The following ATRNL1 variants were observed in gnomAD, a reference collection of about 807,000 sequenced individuals.
ATRNL1 encodes the protein attractin like 1.
In ATRNL1, 95 loss-of-function variants were observed where a neutral mutation model predicts 182.7. The observed-to-expected ratio is 0.52, with a 90% CI of 0.44 to 0.62. ATRNL1 has a LOEUF of 0.62. Ranked by LOEUF, ATRNL1 falls within the 20% of genes least tolerant of loss-of-function variation. ATRNL1 has a pLI of 0.00. For synonymous variants in ATRNL1, 576 were observed against 568.3 expected (o/e 1.01, Z -0.19); for missense variants, 1,471 against 1,679.5 (o/e 0.88, Z 2.17).
At chr10:115,187,670 GTTT>G (rs557762991) in intron 8 of ATRNL1, among the ~76,000 whole-genome samples, 2 of 111,862 alleles carry the variant, frequency 1.8e-5, no homozygotes, top group Non-Finnish European at 3.5e-5. Flanking sequence ...AGGGTGCTTG[GTTT>G]TTTTTTTTTT....
chr10:115,329,402 T>C (rs1290206482), intron 18 of ATRNL1, among the ~76,000 whole-genome samples: 1 of 152,134 alleles, frequency 6.6e-6, no homozygotes, highest in Non-Finnish European at 1.5e-5. Flanking sequence ...GTCATTTTTG[T>C]CATAAATTCA....
Position 115,529,367 on chromosome 10 carries a change from A to C in ATRNL1, c.3716+10043A>C, listed in dbSNP as rs192686219. 2.2e-3 allele frequency among the ~76,000 whole-genome samples: 330 copies of C among 151,406 alleles called. 2 individuals are homozygous for C. The highest frequency in any genetic ancestry group is 3.3e-3 in the Non-Finnish European group (220 of 67,654). ...TTTTTTCTCTTGTTATATTTTGTGTATGTTTCTTTTATACCAAAAATATCT... is the reference window on the plus strand; with the variant it reads ...TTTTTTCTCTTGTTATATTTTGTGTCTGTTTCTTTTATACCAAAAATATCT... On this transcript the variant is annotated intron_variant, in intron 25 of 28. Transcript: ENST00000355044.
intron 25 of ATRNL1, among the ~76,000 whole-genome samples, chr10:115,524,762 C>T (rs1330939206): frequency 6.6e-6 from 1 of 152,148 alleles, no homozygotes; most frequent in Non-Finnish European, 1.5e-5. Context: ...GATCCATTGA[C>T]ATAGTGGGCA....
intron 21 of ATRNL1, among the ~76,000 whole-genome samples, chr10:115,445,509 G>A (rs1476072076): frequency 0.047 from 2,097 of 44,514 alleles, 67 homozygotes; most frequent in African/African-American, 0.16. Flanking sequence ...ATTTGTCCGT[G>A]TGTGTGTGTG....
intron 27 of ATRNL1, among the ~76,000 whole-genome samples, chr10:115,770,252 A>C (rs1948956070): frequency 6.6e-6 from 1 of 152,120 alleles, no homozygotes; most frequent in Admixed American, 6.5e-5. Flanking sequence ...TTTAAGCCTA[A>C]ATCCTATAAG....
chr10:115,854,362 A>G (rs1397260446), intron 28 of ATRNL1, among the ~76,000 whole-genome samples: 1 of 151,916 alleles, frequency 6.6e-6, no homozygotes, highest in Non-Finnish European at 1.5e-5. Flanking sequence ...TTGTGCCTTG[A>G]CCCATCACAG....
intron 28 of ATRNL1, among the ~76,000 whole-genome samples, chr10:115,918,225 C>G (rs1469001207): frequency 6.6e-6 from 1 of 151,976 alleles, no homozygotes; most frequent in East Asian, 1.9e-4. Context: ...CTCAGCCCCC[C>G]GAGTAACTGG....
chr10:115,325,159 T>G (rs1175115309), intron 18 of ATRNL1, among the ~76,000 whole-genome samples: 2 of 152,176 alleles, frequency 1.3e-5, no homozygotes, highest in African/African-American at 4.8e-5. Flanking sequence ...TTTTTTTCTG[T>G]TTGTGTGTCC....
At chr10:115,435,941 G>A (rs1846384624) in intron 21 of ATRNL1, among the ~76,000 whole-genome samples, 1 of 152,066 alleles carries the variant, frequency 6.6e-6, no homozygotes, top group African/African-American at 2.4e-5. Context: ...ATGTTTAATG[G>A]TAGTAGACTC....
intron 10 of ATRNL1, among the ~76,000 whole-genome samples, chr10:115,262,412 A>G (rs1197383057): frequency 6.6e-6 from 1 of 152,064 alleles, no homozygotes; most frequent in Non-Finnish European, 1.5e-5. Flanking sequence ...CTTACCAGAT[A>G]TACAAAAATA....
chr10:115,634,678 C>T (rs1177920444), intron 26 of ATRNL1, among the ~76,000 whole-genome samples: 1 of 151,926 alleles, frequency 6.6e-6, no homozygotes, highest in Non-Finnish European at 1.5e-5. Context: ...AATGCTTAAT[C>T]TAAAATATTT....
At position 115,215,759 on chromosome 10, in the gene ATRNL1, A is replaced by G. The variant is rs782226552; in HGVS notation, c.1411A>G (p.Thr471Ala). 1.9e-6 allele frequency: 3 copies of G among 1,610,156 alleles called. No homozygotes were observed. Among genetic ancestry groups the G allele is most frequent in the African/African-American group, 2.7e-5 (2 of 74,736 alleles). ...GAIVQGGYGH[T>A]SVYDEITKSI... is the part of the protein sequence containing the mutation. Reference sequence around the variant, plus strand: ...TATTGTACAAGGTGGATATGGCCATACTAGTGTGTATGATGAAATAACAAA... The same window carrying G: ...TATTGTACAAGGTGGATATGGCCATGCTAGTGTGTATGATGAAATAACAAA... The change falls in exon 9 of 29, where the codon ACT becomes GCT. Residue 471 changes from threonine to alanine, a missense_variant. Around this residue, in one of 3 missense-constraint regions of ATRNL1, gnomAD observed 1,031 missense variants for 1,156.0 expected, o/e 0.89. Transcript: ENST00000355044.
intron 28 of ATRNL1, among the ~76,000 whole-genome samples, chr10:115,924,093 G>C (rs1953147528): frequency 6.6e-6 from 1 of 151,960 alleles, no homozygotes; most frequent in African/African-American, 2.4e-5. Context: ...ACTTTTTTAT[G>C]GGGTTGTTTT....
chr10:115,547,412 T>G (rs1469054660), intron 25 of ATRNL1, among the ~76,000 whole-genome samples: 1 of 152,024 alleles, frequency 6.6e-6, no homozygotes, highest in Non-Finnish European at 1.5e-5. Context: ...GGAATTTCCT[T>G]CCTGGGAGGG....
At chr10:115,900,087 G>A (rs782049439) in intron 28 of ATRNL1, among the ~76,000 whole-genome samples, 1 of 152,074 alleles carries the variant, frequency 6.6e-6, no homozygotes, top group Non-Finnish European at 1.5e-5. Flanking sequence ...TTTAAAAAGT[G>A]GAGAGTCTAC....
At chr10:115,489,878 A>C (rs1284649759) in intron 24 of ATRNL1, among the ~76,000 whole-genome samples, 3 of 151,942 alleles carry the variant, frequency 2.0e-5, no homozygotes, top group Non-Finnish European at 4.4e-5. Flanking sequence ...ATTCCTTTCC[A>C]TGTTTAGTGC....
At chr10:115,276,072 C>T (rs1341063282) in intron 13 of ATRNL1, among the ~76,000 whole-genome samples, 3 of 151,994 alleles carry the variant, frequency 2.0e-5, no homozygotes, top group Non-Finnish European at 4.4e-5. Flanking sequence ...CTGGGAAGTC[C>T]AAGATCTTGG....
intron 17 of ATRNL1, among the ~76,000 whole-genome samples, chr10:115,307,987 T>C (rs765373535): frequency 3.3e-5 from 5 of 152,216 alleles, no homozygotes; most frequent in Non-Finnish European, 7.3e-5. Flanking sequence ...AATATTTTTA[T>C]ACTTATCAAC....
chr10:115,881,567 C>A (rs1951828088), intron 28 of ATRNL1, among the ~76,000 whole-genome samples: 1 of 152,168 alleles, frequency 6.6e-6, no homozygotes, highest in African/African-American at 2.4e-5. Context: ...CAGTTAAATA[C>A]TAGTGTTGAT....
Sources: allele counts gnomAD v4.1 joint callset (sites outside exome capture counted in the v4.1 genomes callset), GRCh38; gene constraint gnomAD v4.1.1; regional missense constraint gnomAD v4.1.1; transcripts MANE v1.5; gene names NCBI Gene and HGNC (gene_info 2026-07-23, HGNC 2026-07-21).